POLD3: variants seen among roughly 807,000 people sequenced by gnomAD.
POLD3 encodes the protein DNA polymerase delta 3, accessory subunit.
A neutral mutation model predicts 58.2 loss-of-function variants in POLD3; 19 were observed. The observed-to-expected ratio is 0.33, with a 90% CI of 0.23 to 0.48. The LOEUF (loss-of-function observed/expected upper bound fraction) is 0.48. Among genes scored for constraint, POLD3 ranks in the 20% least tolerant of loss-of-function variants. The probability of loss-of-function intolerance (pLI) is 0.99; values close to 1 mark genes in which losing one functional copy is unlikely to be tolerated. For missense variants in POLD3, 504 were observed against 545.5 expected, an observed-to-expected ratio of 0.92 and a Z score of 0.76; for synonymous variants, 172 against 193.5, an observed-to-expected ratio of 0.89 and a Z score of 0.92.
Position 74,611,487 on chromosome 11 carries a change from A to G in POLD3, c.220-12A>G, listed in dbSNP as rs372561737. 10 of 1,519,946 alleles carry G rather than the reference A, an allele frequency of 6.6e-6. No homozygotes were observed. Among genetic ancestry groups the G allele is most frequent in the Non-Finnish European group, 8.1e-6 (9 of 1,104,866 alleles). 94.2% of individuals were successfully genotyped at this position (1,519,946 alleles called of 1,614,324 possible). On this transcript the variant is annotated splice_polypyrimidine_tract_variant and intron_variant, in intron 3 of 11. Transcript: ENST00000263681. ...TTACATTAAGCACTAATAAAGTGTT[A>G]TTTTCTTACAGTGCCACAAGGTTGC... is the stretch of plus-strand genomic sequence containing the variant.
chr11:74,634,916 A>T (rs2135175731), intron 10 of POLD3, among the ~76,000 whole-genome samples: 1 of 152,324 alleles, frequency 6.6e-6, no homozygotes, highest in Middle Eastern at 3.4e-3. Context: ...AACGTTGCAG[A>T]GGTGGAACCT....
At chr11:74,666,959 TAAAAA>T (rs34863947) in intron 4 of POLD3, among the ~76,000 whole-genome samples, 16 of 137,366 alleles carry the variant, frequency 1.2e-4, no homozygotes, top group African/African-American at 1.9e-4. Context: ...TTAAAGTTGC[TAAAAA>T]AAAAAAAAAA....
At chr11:74,626,497 A>T (rs1176550846) in intron 8 of POLD3, among the ~76,000 whole-genome samples, 1 of 152,208 alleles carries the variant, frequency 6.6e-6, no homozygotes, top group Non-Finnish European at 1.5e-5. Context: ...TTGGATGCTC[A>T]GATGGTGTTT....
intron 4 of POLD3, among the ~76,000 whole-genome samples, chr11:74,665,801 C>T (rs1277322519): frequency 1.3e-5 from 2 of 152,208 alleles, no homozygotes; most frequent in Non-Finnish European, 2.9e-5. Context: ...TAACATCATA[C>T]TTAATGGTGA....
rs1422872506 is a variant in POLD3, at chr11:74,592,623, A to G, written c.-36A>G. ...GGCGGGAGCTGTGGCTGTGATTGAG[A>G]GAGGGGTTAGAGGCGGGTCCCAGCG... is the stretch of plus-strand genomic sequence containing the variant. On this transcript the variant is annotated 5_prime_UTR_variant, in exon 1 of 12. Transcript: ENST00000263681. 6.2e-6 allele frequency: 10 copies of G among 1,611,810 alleles called. No homozygotes were observed. The highest frequency in any genetic ancestry group is 8.5e-6 in the Non-Finnish European group (10 of 1,178,962).
downstream of POLD3, among the ~76,000 whole-genome samples, chr11:74,645,828 C>T (rs1217476232): frequency 6.6e-6 from 1 of 152,060 alleles, no homozygotes; most frequent in African/African-American, 2.4e-5. Context: ...GTCAGAGCCA[C>T]GATATAAATC....
At chr11:74,605,164 A>G (rs2031632902) in intron 3 of POLD3, among the ~76,000 whole-genome samples, 1 of 152,218 alleles carries the variant, frequency 6.6e-6, no homozygotes, top group African/African-American at 2.4e-5. Flanking sequence ...TTTTAACTGA[A>G]CTTCTTTTAA....
downstream of POLD3, among the ~76,000 whole-genome samples, chr11:74,647,136 A>C (rs2033009170): frequency 6.6e-6 from 1 of 152,186 alleles, no homozygotes; most frequent in Non-Finnish European, 1.5e-5. Flanking sequence ...GAGCTCAGGC[A>C]GTAATGCTCT....
chr11:74,617,868 G>A (rs967014781), intron 5 of POLD3, among the ~76,000 whole-genome samples: 1 of 152,044 alleles, frequency 6.6e-6, no homozygotes, highest in Non-Finnish European at 1.5e-5. Context: ...ATAGGCATGC[G>A]CCACTACACC....
chr11:74,592,788 C>T, intron 1 of POLD3, 70 bp downstream of exon 1: 1 of 1,593,604 alleles, frequency 6.3e-7, no homozygotes, highest in Non-Finnish European at 8.5e-7. Context: ...CGGCGGGAGC[C>T]TTGACCCTCT....
intron 7 of POLD3, among the ~76,000 whole-genome samples, chr11:74,623,132 C>T (rs1254233319): frequency 6.6e-6 from 1 of 152,124 alleles, no homozygotes; most frequent in Non-Finnish European, 1.5e-5. Flanking sequence ...ATAGGCAGGT[C>T]TATAGAGACA....
intron 7 of POLD3, 105 bp from the exon 8 acceptor site, chr11:74,625,303 C>A: frequency 2.4e-6 from 2 of 831,278 alleles, no homozygotes; most frequent in Non-Finnish European, 3.7e-6. Flanking sequence ...CTCCTTTTTG[C>A]CCCTGCTCCT....
At position 74,600,605 on chromosome 11, in the gene POLD3, A is replaced by G. The variant is rs189310780; in HGVS notation, c.117-4087A>G. Among the ~76,000 whole-genome samples the G allele has an allele frequency of 1.5e-3, 224 of 152,002 alleles. 1 individual carries two copies. Among genetic ancestry groups the G allele is most frequent in the Admixed American group, 4.2e-3 (64 of 15,278 alleles). On this transcript the variant is annotated intron_variant, in intron 2 of 11. Coordinates refer to ENST00000263681, the MANE Select transcript of POLD3 (RefSeq NM_006591.3). ...AGCTGAGATCGCGCCACTGCACTCC[A>G]GCCTGGCGACAGAGCGATACTCTAT...
At chr11:74,595,805 A>G (rs1256642226) in intron 2 of POLD3, among the ~76,000 whole-genome samples, 2 of 152,052 alleles carry the variant, frequency 1.3e-5, no homozygotes, top group South Asian at 4.1e-4. Flanking sequence ...TTTTGTAGAG[A>G]TGGAGTCCCG....
intron 4 of POLD3, among the ~76,000 whole-genome samples, chr11:74,660,735 G>A (rs189955291): frequency 3.3e-4 from 50 of 152,252 alleles, no homozygotes; most frequent in South Asian, 1.9e-3. Flanking sequence ...CAGGTAAGGT[G>A]TGCCGGCTTC....
At chr11:74,660,852 A>G (rs188630111) in intron 4 of POLD3, among the ~76,000 whole-genome samples, 26 of 151,970 alleles carry the variant, frequency 1.7e-4, no homozygotes, top group Non-Finnish European at 3.5e-4. Flanking sequence ...TATAAATTAC[A>G]TAGTCTCAGG....
In POLD3 at chr11:74,592,719, G is replaced by T; in HGVS notation, c.60+1G>T. On this transcript the variant is annotated splice_donor_variant, in intron 1 of 11. Transcript: ENST00000263681. LOFTEE classifies it high-confidence loss of function. ...GTTCGTCACGGACCAAAACAAGATC[G>T]TGAGCAGCTACTACTGGGGAACGCG... 1 of 1,614,040 alleles carries T rather than the reference G, an allele frequency of 6.2e-7. No individual in the cohort carries two copies. Among genetic ancestry groups the T allele is most frequent in the Non-Finnish European group, 8.5e-7 (1 of 1,179,958 alleles).
At chr11:74,611,256 A>G (rs944200091) in intron 3 of POLD3, among the ~76,000 whole-genome samples, 3 of 152,184 alleles carry the variant, frequency 2.0e-5, no homozygotes, top group African/African-American at 4.8e-5. Flanking sequence ...TAGTACTGAA[A>G]TCTGTGCTAG....
chr11:74,658,449 T>C (rs1159117551), intron 4 of POLD3, among the ~76,000 whole-genome samples: 1 of 152,134 alleles, frequency 6.6e-6, no homozygotes, highest in Non-Finnish European at 1.5e-5. Context: ...GAACCAATCA[T>C]GCCTTCCCAA....
Sources: gnomAD v4.1 joint callset for allele counts (sites outside exome capture counted in the v4.1 genomes callset) on GRCh38, gnomAD v4.1.1 for gene constraint, MANE v1.5 for transcripts, NCBI Gene and HGNC (gene_info 2026-07-23, HGNC 2026-07-21) for gene names.